FBXL13: variants seen among roughly 807,000 people sequenced by gnomAD.
The protein encoded by FBXL13 is F-box and leucine rich repeat protein 13.
A neutral mutation model predicts 83.6 loss-of-function variants in FBXL13; 67 were observed. The ratio of observed to expected loss-of-function variants is 0.80; its 90% confidence interval spans 0.66 to 0.98. The LOEUF (loss-of-function observed/expected upper bound fraction) is 0.98, where lower values mean the gene tolerates loss of function less well. FBXL13 is among the 50% of genes least tolerant of loss of function. The pLI, the probability that FBXL13 is intolerant of heterozygous loss-of-function variation, is 0.00. For synonymous variants in FBXL13, 272 were observed against 299.5 expected, an observed-to-expected ratio of 0.91 and a Z score of 0.95; for missense variants, 822 against 866.5, an observed-to-expected ratio of 0.95 and a Z score of 0.64.
chr7:103,069,081 C>A (rs1798673029), intron 1 of FBXL13, among the ~76,000 whole-genome samples: 1 of 148,818 alleles, frequency 6.7e-6, no homozygotes, highest in South Asian at 2.2e-4. Context: ...GCCGCCCCAC[C>A]ACCTGGGAAG....
intron 6 of FBXL13, among the ~76,000 whole-genome samples, chr7:103,016,029 A>G (rs1279754975): frequency 1.3e-5 from 2 of 152,182 alleles, no homozygotes; most frequent in Non-Finnish European, 2.9e-5. Context: ...ACAAATGGAT[A>G]AACAATCCAT....
chr7:102,900,166 A>G lies in FBXL13; in HGVS notation c.1008+12920T>C, dbSNP rs1372927763. On this transcript the variant is annotated intron_variant, in intron 11 of 19. Coordinates refer to ENST00000313221, the Ensembl canonical transcript of FBXL13. The stretch of plus-strand genomic sequence containing the variant: ...CATCATCATTTATTTTTTCTAAGAA[A>G]TATAGTTAAACTTCTTTCATAATAT... 2.6e-5 allele frequency among the ~76,000 whole-genome samples: 4 copies of G among 152,236 alleles called. No homozygotes were observed. The East Asian group carries it at 7.7e-4, about 29-fold the overall frequency.
At chr7:103,031,005 A>T (rs1448985148) in intron 2 of FBXL13, 1 of 152,170 alleles carries the variant, frequency 6.6e-6, no homozygotes, top group South Asian at 2.1e-4. Flanking sequence ...AGAAAGAAAC[A>T]AACTCACAAT....
chr7:102,864,465 T>C (rs1807334829), intron 16 of FBXL13, among the ~76,000 whole-genome samples: 1 of 151,904 alleles, frequency 6.6e-6, no homozygotes, highest in Non-Finnish European at 1.5e-5. Context: ...GCCTCCTGGG[T>C]TCAAGCGATT....
At chr7:102,929,663 CAAAAAAAAAAAA>C (rs35025022) in intron 9 of FBXL13, among the ~76,000 whole-genome samples, 2 of 91,518 alleles carry the variant, frequency 2.2e-5, no homozygotes, top group African/African-American at 9.5e-5. Context: ...GACTCCATCT[CAAAAAAAAAAAA>C]AAAAAAAAAT....
At chr7:102,948,481 T>C (rs543526372) in intron 8 of FBXL13, among the ~76,000 whole-genome samples, 3 of 152,050 alleles carry the variant, frequency 2.0e-5, no homozygotes, top group Non-Finnish European at 4.4e-5. Context: ...TGGAGTGCAG[T>C]GGCATGATCT....
chr7:103,022,271 A>C, intron 6 of FBXL13, among the ~76,000 whole-genome samples: 1 of 151,488 alleles, frequency 6.6e-6, no homozygotes, highest in Middle Eastern at 3.2e-3. Context: ...ATAGGTGGGA[A>C]TGGAACAATG....
intron 19 of FBXL13, 135 bp from the exon 21 acceptor site, chr7:102,813,666 G>A: frequency 1.2e-6 from 1 of 839,936 alleles, no homozygotes; most frequent in Middle Eastern, 3.4e-4. Context: ...TTGCCTTGCT[G>A]AGAGTGAGGA....
At chr7:103,035,929 C>T (rs1795021121) in intron 2 of FBXL13, among the ~76,000 whole-genome samples, 1 of 152,104 alleles carries the variant, frequency 6.6e-6, no homozygotes, top group East Asian at 1.9e-4. Context: ...TAGGGGTCTC[C>T]AACCCCCAGG....
chr7:102,912,869 G>T, intron 11 of FBXL13: 1 of 521,604 alleles, frequency 1.9e-6, no homozygotes, highest in African/African-American at 1.9e-5. Flanking sequence ...AATGAGCTCT[G>T]CCTGTTTGTC....
intron 3 of FBXL13, among the ~76,000 whole-genome samples, chr7:103,029,147 T>A (rs1794246498): frequency 6.6e-6 from 1 of 152,014 alleles, no homozygotes; most frequent in African/African-American, 2.4e-5. Context: ...TAAGAAAAGA[T>A]AATTATACCT....
chr7:102,818,211 C>T (rs147998962), intron 19 of FBXL13, among the ~76,000 whole-genome samples: 2 of 152,298 alleles, frequency 1.3e-5, no homozygotes, highest in East Asian at 3.9e-4. Flanking sequence ...AAACAGAGCA[C>T]GTGTCTACCC....
intron 7 of FBXL13, among the ~76,000 whole-genome samples, chr7:102,966,824 G>A (rs1357393639): frequency 6.6e-6 from 1 of 152,136 alleles, no homozygotes; most frequent in East Asian, 1.9e-4. Flanking sequence ...ACAGGAAATT[G>A]CATGTTCACA....
intron 6 of FBXL13, among the ~76,000 whole-genome samples, chr7:103,007,415 T>A (rs186923344): frequency 7.2e-5 from 11 of 152,144 alleles, no homozygotes; most frequent in African/African-American, 2.6e-4. Flanking sequence ...AAAGCAATGC[T>A]AGCCAGAGGA....
At chr7:102,883,628 T>C in exon 13 of FBXL13, 1 of 1,612,976 alleles carries the variant, frequency 6.2e-7, no homozygotes, top group Non-Finnish European at 8.5e-7. Flanking sequence ...CAATCGGAGA[T>C]ATGCGGTGCA....
intron 1 of FBXL13, among the ~76,000 whole-genome samples, chr7:103,066,035 C>G (rs1798359814): frequency 6.6e-6 from 1 of 152,216 alleles, no homozygotes; most frequent in African/African-American, 2.4e-5. Flanking sequence ...CCAGCACTGA[C>G]AAGGCTTAAC....
chr7:102,895,995 C>G (rs1326913355), intron 11 of FBXL13, among the ~76,000 whole-genome samples: 1 of 152,180 alleles, frequency 6.6e-6, no homozygotes, highest in East Asian at 1.9e-4. Context: ...ACGAAGATAT[C>G]TGTAGAAAGA....
At chr7:102,904,597 T>C (rs1276203825) in intron 11 of FBXL13, among the ~76,000 whole-genome samples, 1 of 152,032 alleles carries the variant, frequency 6.6e-6, no homozygotes, top group Non-Finnish European at 1.5e-5. Flanking sequence ...GTATTGGTTT[T>C]TTCATTTCAG....
intron 6 of FBXL13, among the ~76,000 whole-genome samples, chr7:102,985,491 G>A (rs1374628478): frequency 1.3e-5 from 2 of 152,180 alleles, no homozygotes; most frequent in East Asian, 1.9e-4. Context: ...GGGGCAGCAG[G>A]AAGATCCCCA....
Sources: gnomAD v4.1 joint callset for allele counts (sites outside exome capture counted in the v4.1 genomes callset) on GRCh38, gnomAD v4.1.1 for gene constraint, MANE v1.5 for transcripts, NCBI Gene and HGNC (gene_info 2026-07-23, HGNC 2026-07-21) for gene names.